EXOC1: variants seen among roughly 807,000 people sequenced by gnomAD.
EXOC1 encodes the protein SEC3-like 1.
A neutral mutation model predicts 107.7 loss-of-function variants in EXOC1; 67 were observed. The ratio of observed to expected loss-of-function variants is 0.62; its 90% CI spans 0.51 to 0.76. The LOEUF (loss-of-function observed/expected upper bound fraction) is 0.76, where lower values mean the gene tolerates loss of function less well. Among genes scored for constraint, EXOC1 ranks in the 30% least tolerant of loss-of-function variants. The pLI is 0.00. For synonymous variants in EXOC1, 348 were observed against 353.5 expected, an observed-to-expected ratio of 0.98 and a Z score of 0.17; for missense variants, 833 against 1,055.7, an observed-to-expected ratio of 0.79 and a Z score of 2.92.
At chr4:55,876,004 G>C (rs71601604) in intron 8 of EXOC1, 37,616 of 977,018 alleles carry the variant, frequency 0.039, 852 homozygotes, top group Non-Finnish European at 0.042. Context: ...ATGTGATGCT[G>C]TAGAATCCTG....
At chr4:55,864,644 C>CTTAT (rs1454856407) in intron 4 of EXOC1, among the ~76,000 whole-genome samples, 1 of 152,136 alleles carries the variant, frequency 6.6e-6, no homozygotes, top group Non-Finnish European at 1.5e-5. Flanking sequence ...TTTTCCTATG[C>CTTAT]ATAAACACCT....
At chr4:55,865,927 C>G (rs916935109) in intron 4 of EXOC1, among the ~76,000 whole-genome samples, 3 of 151,932 alleles carry the variant, frequency 2.0e-5, no homozygotes, top group African/African-American at 7.3e-5. Flanking sequence ...TTTAAGAATA[C>G]TGAGAAGATC....
Position 55,868,419 on chromosome 4 carries a change from G to A in EXOC1, c.499G>A (p.Glu167Lys). 1 of 1,613,724 alleles carries A rather than the reference G, an allele frequency of 6.2e-7. No homozygotes were observed. The highest frequency in any genetic ancestry group is 8.5e-7 in the Non-Finnish European group (1 of 1,179,788). Residue 167 changes from glutamate to lysine, a missense_variant, in exon 5 of 19, where the codon GAA (glutamate) becomes AAA (lysine). This residue lies in a region of EXOC1 where 617 missense variants were observed against 701.3 expected (regional missense o/e 0.88). Coordinates refer to ENST00000381295, the MANE Select transcript of EXOC1 (RefSeq NM_001024924.2). ...VDEYQELNAR[E>K]EQDIEIMMEG... Reference sequence around the variant, plus strand: ...TGAATACCAAGAGTTAAATGCAAGAGAAGAACAGGATATCGAAATAATGAT... The same window carrying A: ...TGAATACCAAGAGTTAAATGCAAGAAAAGAACAGGATATCGAAATAATGAT...
chr4:55,882,582 T>C (rs1317134277), intron 9 of EXOC1: 1 of 152,234 alleles, frequency 6.6e-6, no homozygotes, highest in East Asian at 1.9e-4. Flanking sequence ...TTACATTAGA[T>C]ACAGAGATAT....
At position 55,891,389 on chromosome 4, in the gene EXOC1, A is replaced by G; in HGVS notation, c.1614A>G (p.Lys538=). The change falls in exon 13 of 19, where the codon AAA becomes AAG. Residue 538 remains lysine (K), a synonymous_variant. Coordinates refer to ENST00000381295, the MANE Select transcript of EXOC1 (RefSeq NM_001024924.2). ...AGGACTTCATAAGTAAATTTTTCAAACTACAGCAACATCAAAGTATGCCTG... is the reference window on the plus strand; with the variant it reads ...AGGACTTCATAAGTAAATTTTTCAAGCTACAGCAACATCAAAGTATGCCTG... The part of the protein sequence containing the change: ...AEQDFISKFF[K]LQQHQSMPGT... 6.2e-7 allele frequency: 1 copy of G among 1,613,596 alleles called. No homozygotes were observed. The highest frequency in any genetic ancestry group is 1.1e-5 in the South Asian group (1 of 91,074).
At chr4:55,862,328 T>G (rs1721553921) in intron 3 of EXOC1, among the ~76,000 whole-genome samples, 2 of 151,778 alleles carry the variant, frequency 1.3e-5, no homozygotes, top group African/African-American at 2.4e-5. Flanking sequence ...TTTTTTTTTT[T>G]GCATTTTATG....
intron 14 of EXOC1, among the ~76,000 whole-genome samples, chr4:55,893,348 G>A (rs1378038536): frequency 6.6e-6 from 1 of 152,196 alleles, no homozygotes; most frequent in Admixed American, 6.5e-5. Context: ...TTGAACTCCT[G>A]ACCTCAGGTG....
Position 55,858,301 on chromosome 4 carries a change from C to T in EXOC1, c.-10-13C>T, listed in dbSNP as rs756616252. ...TGAGGGTGAGCTTAATATCTATACT[C>T]CACATTTTTCAGCTGAGAAAAGATG... On this transcript the variant is annotated splice_polypyrimidine_tract_variant and intron_variant, in intron 1 of 18. Coordinates refer to ENST00000381295, the MANE Select transcript of EXOC1 (RefSeq NM_001024924.2). 1.9e-6 allele frequency: 3 copies of T among 1,594,734 alleles called. No individual in the cohort carries two copies. The South Asian group carries it at 3.5e-5, about 19-fold the overall frequency.
At chr4:55,875,389 T>TATGCCATAACAGAAAGAAGGAGTTCC in intron 8 of EXOC1, 1 of 957,238 alleles carries the variant, frequency 1.0e-6, no homozygotes, top group African/African-American at 1.8e-5. Flanking sequence ...AATAAGTAAG[T>TATGCCATAACAGAAAGAAGGAGTTCC]ATGCCATAAC....
rs377516805 is a variant in EXOC1 at position 55,870,738 on chromosome 4, G to A, written c.664G>A (p.Asp222Asn). Residue 222 changes from aspartate (D) to asparagine (N), a missense_variant, in exon 6 of 19, where the codon GAT becomes AAT. Physicochemically the swap from Asp to Asn is conservative, Grantham distance 23. Around this residue, in one of 2 missense-constraint regions of EXOC1, gnomAD observed 617 missense variants for 701.3 expected, o/e 0.88. Transcript: ENST00000381295. ...AGTCAACATCCTGATGAAATTGCTAGATGAGGCTCTAAAGGAGGTAGATCA... is the reference window on the plus strand; with the variant it reads ...AGTCAACATCCTGATGAAATTGCTAAATGAGGCTCTAAAGGAGGTAGATCA... ...KQVNILMKLLDEALKEVDQIE... is the reference protein window; with the variant it reads ...KQVNILMKLLNEALKEVDQIE... The A allele has an allele frequency of 1.2e-6, 2 of 1,613,898 alleles. No homozygotes were observed. Among genetic ancestry groups the A allele is most frequent in the Admixed American group, 1.7e-5 (1 of 59,994 alleles).
Position 55,864,368 on chromosome 4 carries a change from A to G in EXOC1, c.397A>G (p.Ser133Gly), listed in dbSNP as rs1280502539. Residue 133 changes from serine (S) to glycine (G), a missense_variant, in exon 4 of 19, where the codon AGC becomes GGC. By Grantham distance (56) the Ser-to-Gly change is moderately conservative (BLOSUM62 0). Transcript: ENST00000381295. ...GAAGAAAATTGATTTTGTCAATGTT[A>G]GCTCACAGCTTTTGGAAGGTAAAGT... is the stretch of plus-strand genomic sequence containing the variant. The part of the protein sequence containing the change: ...LRKKIDFVNV[S>G]SQLLEESVPS... 5 of 1,607,328 alleles carry G rather than the reference A, an allele frequency of 3.1e-6. No homozygotes were observed. In the East Asian group the frequency reaches 1.1e-4, roughly 36 times the overall value.
rs3213948 is a variant in EXOC1 at position 55,868,535 on chromosome 4, C to T, written c.603+12C>T. 0.57 allele frequency: 909,071 copies of T among 1,607,814 alleles called. 258,901 individuals are homozygous for T. Among genetic ancestry groups the T allele is most frequent in the East Asian group, 0.65 (29,295 of 44,746 alleles). On this transcript the variant is annotated intron_variant, in intron 5 of 18. Transcript: ENST00000381295. ...AGGTGCTAGATGGGGTAAGACTTTC[C>T]TGAATTCTATGAATAAGTGATGTAT...
Position 55,893,534 on chromosome 4 carries a change from T to C in EXOC1, c.1725-18T>C. The C allele has an allele frequency of 6.2e-7, 1 of 1,606,574 alleles. No homozygotes were observed. The highest frequency in any genetic ancestry group is 1.1e-5 in the South Asian group (1 of 90,486). ...AAGCTTGTTATAACTTTATACTTCTTGTCTGTTTTCTGAACAGGAAAGATA... is the reference window on the plus strand; with the variant it reads ...AAGCTTGTTATAACTTTATACTTCTCGTCTGTTTTCTGAACAGGAAAGATA... On this transcript the variant is annotated intron_variant, in intron 14 of 18. Coordinates refer to ENST00000381295, the MANE Select transcript of EXOC1 (RefSeq NM_001024924.2).
chr4:55,900,390 G>A (rs990745574), intron 17 of EXOC1, among the ~76,000 whole-genome samples: 1 of 151,932 alleles, frequency 6.6e-6, no homozygotes, highest in Non-Finnish European at 1.5e-5. Context: ...ACCAAAAATT[G>A]CTTTCTACAT....
At chr4:55,858,227 A>G in intron 1 of EXOC1, 87 bp from the exon 2 acceptor site, 1 of 1,369,776 alleles carries the variant, frequency 7.3e-7, no homozygotes, top group Non-Finnish European at 9.6e-7. Context: ...CTTGTTAACC[A>G]AAAATTATTT....
intron 7 of EXOC1, 144 bp downstream of exon 7, chr4:55,871,377 A>G: frequency 9.2e-7 from 1 of 1,088,664 alleles, no homozygotes; most frequent in Non-Finnish European, 1.3e-6. Context: ...TGATTTCCCA[A>G]CTTATTTCTA....
At chr4:55,869,330 C>T (rs1347088027) in intron 5 of EXOC1, among the ~76,000 whole-genome samples, 1 of 152,120 alleles carries the variant, frequency 6.6e-6, no homozygotes, top group Non-Finnish European at 1.5e-5. Flanking sequence ...CGTGCCACTG[C>T]ACTCCAGCTT....
intron 8 of EXOC1, chr4:55,876,274 T>C (rs374035980): frequency 5.1e-6 from 5 of 985,466 alleles, no homozygotes; most frequent in East Asian, 1.1e-4. Context: ...GTGATTGTTT[T>C]ATATTCAGGT....
chr4:55,876,770 G>C (rs1379881937), intron 8 of EXOC1: 2 of 984,926 alleles, frequency 2.0e-6, no homozygotes, highest in African/African-American at 3.5e-5. Flanking sequence ...TGTATTGGTT[G>C]TTTTCTACCA....
Sources: gnomAD v4.1 joint callset for allele counts (sites outside exome capture counted in the v4.1 genomes callset) on GRCh38, gnomAD v4.1.1 for gene constraint, gnomAD v4.1.1 regional missense constraint, MANE v1.5 for transcripts, NCBI Gene and HGNC (gene_info 2026-07-23, HGNC 2026-07-21) for gene names.